MICAL2: variants seen among roughly 807,000 people sequenced by gnomAD.
MICAL2 encodes microtubule associated monooxygenase, calponin and LIM domain containing 2.
MICAL2 carries 77 observed loss-of-function variants against 127.3 expected under a neutral mutation model. The ratio of observed to expected loss-of-function variants is 0.60; its 90% CI spans 0.50 to 0.73. The LOEUF is 0.73. MICAL2 is among the 30% of genes least tolerant of loss of function. The probability of loss-of-function intolerance (pLI) is 0.00; values close to 1 mark genes in which losing one functional copy is unlikely to be tolerated. For synonymous variants in MICAL2, 570 were observed against 551.1 expected, an observed-to-expected ratio of 1.03 and a Z score of -0.48; for missense variants, 1,351 against 1,434.4, an observed-to-expected ratio of 0.94 and a Z score of 0.94.
At chr11:12,195,320 A>T (rs771791427) in intron 3 of MICAL2, among the ~76,000 whole-genome samples, 2 of 152,228 alleles carry the variant, frequency 1.3e-5, no homozygotes, top group Non-Finnish European at 2.9e-5. Context: ...AATGAGATAC[A>T]TGCTGAAATA....
chr11:12,327,249 C>G, exon 32 of MICAL2: 1 of 1,550,508 alleles, frequency 6.4e-7, no homozygotes, highest in Non-Finnish European at 8.7e-7. Flanking sequence ...CTGGAGAAGG[C>G]GTTGCGAGGA....
chr11:12,319,085 A>G (rs916951679), intron 29 of MICAL2, among the ~76,000 whole-genome samples: 7 of 152,374 alleles, frequency 4.6e-5, no homozygotes, highest in African/African-American at 1.7e-4. Flanking sequence ...TTTATGTTGC[A>G]TGAGACTATG....
intron 32 of MICAL2, among the ~76,000 whole-genome samples, chr11:12,344,398 G>A (rs1176749072): frequency 6.6e-6 from 1 of 151,594 alleles, no homozygotes; most frequent in African/African-American, 2.4e-5. Context: ...AAAGGCTAGA[G>A]GTCTTGGAGC....
At chr11:12,330,923 G>GTGTGTGTA (rs1565307429) in intron 32 of MICAL2, among the ~76,000 whole-genome samples, 1 of 138,068 alleles carries the variant, frequency 7.2e-6, no homozygotes, top group Non-Finnish European at 1.6e-5. Flanking sequence ...GTGTGTGTGT[G>GTGTGTGTA]TGTGTGTGTC....
At chr11:12,336,405 A>T (rs953747264) in intron 32 of MICAL2, among the ~76,000 whole-genome samples, 1 of 152,036 alleles carries the variant, frequency 6.6e-6, no homozygotes, top group African/African-American at 2.4e-5. Context: ...GCAAACAGGG[A>T]AATTTGACTT....
At chr11:12,123,173 T>A (rs1225715384) in intron 1 of MICAL2, among the ~76,000 whole-genome samples, 1 of 152,256 alleles carries the variant, frequency 6.6e-6, no homozygotes, top group Non-Finnish European at 1.5e-5. Flanking sequence ...AAAATTTTTA[T>A]TCTATATTTT....
At chr11:12,226,614 C>G (rs1325532815) in intron 14 of MICAL2, among the ~76,000 whole-genome samples, 3 of 151,006 alleles carry the variant, frequency 2.0e-5, no homozygotes, top group Non-Finnish European at 4.4e-5. Context: ...GTTACAATGA[C>G]ACCTCCTTGT....
chr11:12,362,008 G>A (rs8745), downstream of MICAL2, among the ~76,000 whole-genome samples: 1 of 152,150 alleles, frequency 6.6e-6, no homozygotes, highest in African/African-American at 2.4e-5. Flanking sequence ...CCTCACTGCT[G>A]AGTAGCTTGT....
chr11:12,167,628 C>T (rs961724285), intron 3 of MICAL2, among the ~76,000 whole-genome samples: 32 of 152,130 alleles, frequency 2.1e-4, no homozygotes, highest in African/African-American at 6.8e-4. Context: ...CAGTCATAAC[C>T]GATAAAGCAG....
At chr11:12,120,092 G>C (rs76409747) in intron 1 of MICAL2, among the ~76,000 whole-genome samples, 74 of 152,300 alleles carry the variant, frequency 4.9e-4, no homozygotes, top group African/African-American at 1.8e-3. Context: ...TGCTGTGTAC[G>C]CTTGTAGCAC....
intron 1 of MICAL2, among the ~76,000 whole-genome samples, chr11:12,279,572 C>T (rs1368992642): frequency 6.6e-6 from 1 of 152,194 alleles, no homozygotes; most frequent in African/African-American, 2.4e-5. Context: ...AAACTAGCTT[C>T]GGTAACAAAG....
chr11:12,319,659 G>A, intron 29 of MICAL2: 10 of 1,426,410 alleles, frequency 7.0e-6, no homozygotes, highest in Non-Finnish European at 9.9e-6. Context: ...AGGAAATGAA[G>A]CTAGCAGTTC....
intron 31 of MICAL2, chr11:12,324,109 T>C (rs769119943): frequency 1.0e-5 from 16 of 1,588,880 alleles, no homozygotes; most frequent in Non-Finnish European, 1.4e-5. Context: ...TGGGCCTGGG[T>C]CCAGGATCCT....
At chr11:12,330,676 C>T (rs753807543) in intron 32 of MICAL2, among the ~76,000 whole-genome samples, 1 of 151,940 alleles carries the variant, frequency 6.6e-6, no homozygotes, top group Non-Finnish European at 1.5e-5. Context: ...AATAAGCTCT[C>T]CCGCCCCCGG....
At chr11:12,327,292 C>A in intron 32 of MICAL2, 2 of 1,535,862 alleles carry the variant, frequency 1.3e-6, no homozygotes, top group Non-Finnish European at 1.8e-6. Flanking sequence ...AGATCCGGAG[C>A]AGTGGGCATG....
chr11:12,262,453 T>C (rs1863263543), intron 26 of MICAL2, 27 bp from the exon 27 acceptor site: 3 of 1,613,316 alleles, frequency 1.9e-6, no homozygotes, highest in African/African-American at 1.3e-5. Context: ...TTTCTCTCTC[T>C]TTCCAATCTT....
chr11:12,133,958 G>A (rs1363559987), intron 1 of MICAL2, among the ~76,000 whole-genome samples: 3 of 152,234 alleles, frequency 2.0e-5, no homozygotes, highest in Non-Finnish European at 4.4e-5. Context: ...AGTAGAAATG[G>A]GCTGTGTGAG....
chr11:12,330,632 A>G (rs1386127074), intron 32 of MICAL2, among the ~76,000 whole-genome samples: 2 of 152,140 alleles, frequency 1.3e-5, no homozygotes, highest in Non-Finnish European at 2.9e-5. Flanking sequence ...TGTCGTGACA[A>G]CAATTCCTGC....
At chr11:12,323,478 C>G (rs1590737533) in intron 30 of MICAL2, among the ~76,000 whole-genome samples, 1 of 151,956 alleles carries the variant, frequency 6.6e-6, no homozygotes, top group East Asian at 1.9e-4. Flanking sequence ...ACTTGCCTAC[C>G]CGTCTCTCTC....
Sources: allele counts gnomAD v4.1 joint callset (sites outside exome capture counted in the v4.1 genomes callset), GRCh38; gene constraint gnomAD v4.1.1; transcripts MANE v1.5; gene names NCBI Gene and HGNC (gene_info 2026-07-23, HGNC 2026-07-21).